The following STPG2 variants were observed in gnomAD, a reference collection of about 807,000 sequenced individuals.
STPG2 encodes the protein sperm tail PG-rich repeat containing 2.
Under a neutral mutation model 54.2 loss-of-function variants are expected in STPG2, and 56 were observed. That is an observed-to-expected ratio of 1.03 (90% confidence interval 0.83 to 1.29). The LOEUF (loss-of-function observed/expected upper bound fraction) is 1.29. Ranked by LOEUF, STPG2 falls within the 50% of genes most tolerant of loss-of-function variation. The pLI, the probability that STPG2 is intolerant of heterozygous loss-of-function variation, is 0.00. For missense variants in STPG2, 596 were observed against 544.9 expected (o/e 1.09, Z -0.93); for synonymous variants, 200 against 181.8 (o/e 1.10, Z -0.81).
intron 9 of STPG2, among the ~76,000 whole-genome samples, chr4:97,808,236 A>G (rs1727631244): frequency 6.6e-6 from 1 of 152,024 alleles, no homozygotes; most frequent in South Asian, 2.1e-4. Flanking sequence ...CTATATGACA[A>G]TTGACTGCCT....
chr4:97,444,642 G>C (rs4459996), intron 4 of STPG2, among the ~76,000 whole-genome samples: 34,597 of 152,066 alleles, frequency 0.23, 9,161 homozygotes, highest in African/African-American at 0.65. Flanking sequence ...GAGTTCATTA[G>C]ACAGAAGACT....
intron 10 of STPG2, among the ~76,000 whole-genome samples, chr4:97,675,171 T>C (rs1012317479): frequency 1.3e-4 from 19 of 151,984 alleles, no homozygotes; most frequent in African/African-American, 4.4e-4. Context: ...GCCCAGCTAA[T>C]TGTGTATTTT....
chr4:97,900,125 T>A (rs1279713925), intron 8 of STPG2, among the ~76,000 whole-genome samples: 3 of 152,224 alleles, frequency 2.0e-5, no homozygotes, highest in South Asian at 4.1e-4. Context: ...GAACAGATAC[T>A]TTTCAAAAGA....
intron 5 of STPG2, among the ~76,000 whole-genome samples, chr4:98,103,308 G>C (rs1739098633): frequency 1.3e-5 from 2 of 151,962 alleles, no homozygotes; most frequent in Non-Finnish European, 2.9e-5. Context: ...TTATGCATTT[G>C]CTTTTTTATT....
At chr4:97,633,098 T>G (rs1721348139) in intron 10 of STPG2, among the ~76,000 whole-genome samples, 1 of 152,140 alleles carries the variant, frequency 6.6e-6, no homozygotes, top group Admixed American at 6.5e-5. Context: ...TGTACATGTG[T>G]ATATATGTAT....
At chr4:97,731,124 G>C (rs1021706552) in intron 9 of STPG2, among the ~76,000 whole-genome samples, 17 of 152,088 alleles carry the variant, frequency 1.1e-4, no homozygotes, top group African/African-American at 3.6e-4. Flanking sequence ...CATCTGAGAG[G>C]GCTAGTGTTC....
chr4:97,512,043 CTTGAAA>C (rs1253534280), intron 4 of STPG2, among the ~76,000 whole-genome samples: 1 of 151,816 alleles, frequency 6.6e-6, no homozygotes, highest in Non-Finnish European at 1.5e-5. Context: ...TTCTTATAAT[CTTGAAA>C]TTGTATAAGG....
At chr4:97,636,800 T>G (rs1721553362) in intron 10 of STPG2, among the ~76,000 whole-genome samples, 2 of 152,128 alleles carry the variant, frequency 1.3e-5, no homozygotes, top group South Asian at 4.1e-4. Context: ...AGGAAGAAGT[T>G]GAATCTCTGA....
chr4:97,987,958 G>A (rs1283967670), intron 5 of STPG2, among the ~76,000 whole-genome samples: 1 of 151,062 alleles, frequency 6.6e-6, no homozygotes, highest in African/African-American at 2.4e-5. Flanking sequence ...GTATCACTCC[G>A]CTTCTCAAAC....
At chr4:97,844,540 A>T (rs1414797851) in intron 8 of STPG2, among the ~76,000 whole-genome samples, 1 of 152,028 alleles carries the variant, frequency 6.6e-6, no homozygotes, top group African/African-American at 2.4e-5. Context: ...AGAAGCCTAC[A>T]ATTAGTGATA....
chr4:97,917,666 A>G (rs1167514469), intron 8 of STPG2, among the ~76,000 whole-genome samples: 1 of 152,212 alleles, frequency 6.6e-6, no homozygotes, highest in Non-Finnish European at 1.5e-5. Context: ...CTTAAAAGCT[A>G]TCTTGATACA....
At chr4:97,885,469 C>T (rs1166317610) in intron 8 of STPG2, among the ~76,000 whole-genome samples, 1 of 152,150 alleles carries the variant, frequency 6.6e-6, no homozygotes, top group African/African-American at 2.4e-5. Context: ...AATGTATTTT[C>T]CAACCTAGTA....
intron 8 of STPG2, among the ~76,000 whole-genome samples, chr4:97,881,631 T>C (rs1730378304): frequency 6.6e-6 from 1 of 152,114 alleles, no homozygotes; most frequent in Non-Finnish European, 1.5e-5. Context: ...AGAAACAAAT[T>C]GTATGGTTTA....
chr4:98,017,474 T>G (rs1735996094), intron 5 of STPG2, among the ~76,000 whole-genome samples: 1 of 152,174 alleles, frequency 6.6e-6, no homozygotes, highest in East Asian at 1.9e-4. Flanking sequence ...TTACTTCATC[T>G]TCCTTTCCCA....
intron 4 of STPG2, among the ~76,000 whole-genome samples, chr4:97,517,803 G>T (rs1340927087): frequency 6.6e-6 from 1 of 152,018 alleles, no homozygotes; most frequent in African/African-American, 2.4e-5. Context: ...CTCAACCCAT[G>T]ATTAAATTGC....
rs1340878672 is a variant in STPG2, at chr4:97,932,672, C to G, written c.1044+11225G>C. Among the ~76,000 whole-genome samples the G allele has an allele frequency of 3.9e-5, 6 of 152,294 alleles. No individual in the cohort carries two copies. In the South Asian group the frequency reaches 1.2e-3, roughly 32 times the overall value. ...GAGGATGATGGCTTCCAGCTCCATC[C>G]ATGCACCCGCAAAGGACATAATCTC... On this transcript the variant is annotated intron_variant, in intron 8 of 10. Coordinates refer to ENST00000295268, the MANE Select transcript of STPG2 (RefSeq NM_174952.3).
chr4:97,841,871 G>T (rs957450953), intron 8 of STPG2, among the ~76,000 whole-genome samples: 2 of 151,774 alleles, frequency 1.3e-5, no homozygotes, highest in Non-Finnish European at 2.9e-5. Context: ...GTTAAAATGA[G>T]TAAAGTACTT....
intron 5 of STPG2, among the ~76,000 whole-genome samples, chr4:98,083,938 A>G (rs1360635394): frequency 6.6e-6 from 1 of 151,948 alleles, no homozygotes; most frequent in African/African-American, 2.4e-5. Flanking sequence ...GCAGCCTCCA[A>G]CTCTTGGGTG....
intron 5 of STPG2, among the ~76,000 whole-genome samples, chr4:98,102,482 T>C (rs1739066922): frequency 6.6e-6 from 1 of 151,208 alleles, no homozygotes; most frequent in Non-Finnish European, 1.5e-5. Context: ...ATCCCTGATC[T>C]CTTTCATCAT....
Sources: allele counts gnomAD v4.1 joint callset (sites outside exome capture counted in the v4.1 genomes callset), GRCh38; gene constraint gnomAD v4.1.1; transcripts MANE v1.5; gene names NCBI Gene and HGNC (gene_info 2026-07-23, HGNC 2026-07-21).